Variants in MAML3 observed in about 807,000 individuals in gnomAD.
The protein encoded by MAML3 is mastermind like transcriptional coactivator 3.
In MAML3, 27 loss-of-function variants were observed where a neutral mutation model predicts 101.9. That is an observed-to-expected ratio of 0.27 (90% CI 0.20 to 0.37). MAML3 has a LOEUF of 0.37. Ranked by LOEUF, MAML3 falls within the 10% of genes least tolerant of loss-of-function variation. The pLI is 1.00. For missense variants in MAML3, 1,316 were observed against 1,444.9 expected, an observed-to-expected ratio of 0.91 and a Z score of 1.45; for synonymous variants, 501 against 555.9, an observed-to-expected ratio of 0.90 and a Z score of 1.39.
At chr4:139,928,250 C>T (rs1733306371) in intron 1 of MAML3, among the ~76,000 whole-genome samples, 1 of 152,134 alleles carries the variant, frequency 6.6e-6, no homozygotes, top group African/African-American at 2.4e-5. Flanking sequence ...ATAATAAGCT[C>T]TAAACTCATT....
chr4:140,064,757 T>C (rs1263080376), intron 1 of MAML3, among the ~76,000 whole-genome samples: 2 of 152,182 alleles, frequency 1.3e-5, no homozygotes, highest in Non-Finnish European at 2.9e-5. Context: ...TGTCCACCTA[T>C]CAGCAAATCA....
At chr4:140,000,286 C>G (rs965104064) in intron 1 of MAML3, among the ~76,000 whole-genome samples, 1 of 151,814 alleles carries the variant, frequency 6.6e-6, no homozygotes, top group Non-Finnish European at 1.5e-5. Flanking sequence ...ATAAAAAGAG[C>G]CAGCAAAGCA....
At chr4:139,855,908 T>C (rs1284270032) in intron 2 of MAML3, among the ~76,000 whole-genome samples, 2 of 152,236 alleles carry the variant, frequency 1.3e-5, no homozygotes, top group Non-Finnish European at 2.9e-5. Flanking sequence ...CTATTCCAAA[T>C]GTAGGCTCGG....
At chr4:139,770,371 C>T (rs531310815) in intron 2 of MAML3, among the ~76,000 whole-genome samples, 2 of 152,344 alleles carry the variant, frequency 1.3e-5, no homozygotes, top group East Asian at 1.9e-4. Flanking sequence ...AGAGTTCAAC[C>T]GTTGTTCCCA....
At chr4:139,809,378 CT>C (rs1472553076) in intron 2 of MAML3, among the ~76,000 whole-genome samples, 3 of 152,166 alleles carry the variant, frequency 2.0e-5, no homozygotes, top group Non-Finnish European at 4.4e-5. Context: ...AGGAGGCAGC[CT>C]AGCTTATGCG....
In MAML3 at chr4:140,001,426, C is replaced by G. The variant is rs1470295398; in HGVS notation, c.469-110459G>C. Among the ~76,000 whole-genome samples the G allele has an allele frequency of 2.0e-5, 3 of 152,116 alleles. No homozygotes were observed. The South Asian group carries it at 6.2e-4, about 32-fold the overall frequency. ...AGAGCCAAGTGCTTAAAACATACCC[C>G]CAAGAGGTCTCAGAGTTAATAAGTC... On this transcript the variant is annotated intron_variant, in intron 1 of 4. Transcript: ENST00000509479.
At position 139,858,366 on chromosome 4, in the gene MAML3, A is replaced by G. The variant is rs186575148; in HGVS notation, c.2079+30991T>C. On this transcript the variant is annotated intron_variant, in intron 2 of 4. Coordinates refer to ENST00000509479, the MANE Select transcript of MAML3 (RefSeq NM_018717.5). ...GCCCTAGGTCATGTCCAATTTGATA[A>G]ACATGCCCTTTATAATTTTATCCAA... 1.7e-4 allele frequency among the ~76,000 whole-genome samples: 26 copies of G among 151,958 alleles called. 1 individual carries two copies. Among genetic ancestry groups the G allele is most frequent in the Admixed American group, 1.7e-3 (26 of 15,274 alleles).
chr4:139,759,752 G>C (rs556957900), intron 2 of MAML3, among the ~76,000 whole-genome samples: 74 of 152,184 alleles, frequency 4.9e-4, no homozygotes, highest in African/African-American at 1.7e-3. Flanking sequence ...TTGCATCTGT[G>C]GTTATGGAAA....
At chr4:139,934,712 G>A (rs1292673898) in intron 1 of MAML3, among the ~76,000 whole-genome samples, 1 of 152,190 alleles carries the variant, frequency 6.6e-6, no homozygotes, top group Non-Finnish European at 1.5e-5. Context: ...CCTCAAGGGA[G>A]TAAGGAAAAA....
chr4:139,744,572 G>A (rs80091096), intron 2 of MAML3, among the ~76,000 whole-genome samples: 2,429 of 152,180 alleles, frequency 0.016, 71 homozygotes, highest in African/African-American at 0.056. Flanking sequence ...TGCTATTAAA[G>A]TTTGCTTTCA....
At chr4:139,771,776 G>A (rs1301698522) in intron 2 of MAML3, among the ~76,000 whole-genome samples, 1 of 152,114 alleles carries the variant, frequency 6.6e-6, no homozygotes, top group East Asian at 1.9e-4. Flanking sequence ...ATCAGCTACA[G>A]GTGCTTTGAA....
intron 1 of MAML3, among the ~76,000 whole-genome samples, chr4:140,074,639 G>A (rs968235669): frequency 1.3e-5 from 2 of 151,974 alleles, no homozygotes; most frequent in Non-Finnish European, 2.9e-5. Flanking sequence ...GTTACCCTGA[G>A]CACATTAGTT....
intron 1 of MAML3, among the ~76,000 whole-genome samples, chr4:139,894,541 AAG>A (rs1426137234): frequency 6.6e-6 from 1 of 151,868 alleles, no homozygotes; most frequent in Non-Finnish European, 1.5e-5. Context: ...GAAAGAAAGA[AAG>A]AAAGAAAGAA....
At chr4:139,745,277 T>A (rs1729284734) in intron 2 of MAML3, among the ~76,000 whole-genome samples, 1 of 129,860 alleles carries the variant, frequency 7.7e-6, no homozygotes, top group Non-Finnish European at 1.7e-5. Flanking sequence ...TCCAGCCGAC[T>A]CGACCACCGT....
chr4:139,780,980 C>T (rs1033989748), intron 2 of MAML3, among the ~76,000 whole-genome samples: 3 of 152,052 alleles, frequency 2.0e-5, no homozygotes, highest in African/African-American at 7.3e-5. Flanking sequence ...GATAATTCCC[C>T]TTTGCTCATA....
chr4:140,148,780 G>T (rs1729106397), intron 1 of MAML3, among the ~76,000 whole-genome samples: 1 of 152,178 alleles, frequency 6.6e-6, no homozygotes, highest in South Asian at 2.1e-4. Context: ...GGTTGTAGTT[G>T]TCTCCAATAC....
intron 1 of MAML3, among the ~76,000 whole-genome samples, chr4:139,917,627 A>G (rs1733050230): frequency 6.6e-6 from 1 of 152,186 alleles, no homozygotes; most frequent in Non-Finnish European, 1.5e-5. Flanking sequence ...AATGGATGCA[A>G]GTAATGGGGA....
At chr4:139,952,273 G>T (rs1402857886) in intron 1 of MAML3, among the ~76,000 whole-genome samples, 2 of 152,192 alleles carry the variant, frequency 1.3e-5, no homozygotes, top group Non-Finnish European at 2.9e-5. Context: ...GCTCTATCTG[G>T]GTTAGATAAT....
intron 1 of MAML3, among the ~76,000 whole-genome samples, chr4:140,098,553 A>T (rs1488707371): frequency 2.6e-5 from 4 of 152,188 alleles, no homozygotes; most frequent in Admixed American, 6.5e-5. Flanking sequence ...CATCACCAGG[A>T]CTTCTCAGGG....
Sources: gnomAD v4.1 joint callset for allele counts (sites outside exome capture counted in the v4.1 genomes callset) on GRCh38, gnomAD v4.1.1 for gene constraint, MANE v1.5 for transcripts, NCBI Gene and HGNC (gene_info 2026-07-23, HGNC 2026-07-21) for gene names.